The following RAG2 variants were observed in gnomAD, a reference collection of about 807,000 sequenced individuals.
RAG2 encodes V(D)J recombination-activating protein 2.
A neutral mutation model predicts 31.8 loss-of-function variants in RAG2; 16 were observed. The ratio of observed to expected loss-of-function variants is 0.50; its 90% CI spans 0.34 to 0.76. RAG2 has a LOEUF of 0.76. RAG2 is among the 30% of genes least tolerant of loss of function. The pLI, the probability that RAG2 is intolerant of heterozygous loss-of-function variation, is 0.01. For missense variants in RAG2, 622 were observed against 628.5 expected, an observed-to-expected ratio of 0.99 and a Z score of 0.11; for synonymous variants, 199 against 215.9, an observed-to-expected ratio of 0.92 and a Z score of 0.68.
At chr11:36,596,576 T>C (rs1436600445) in intron 1 of RAG2, among the ~76,000 whole-genome samples, 1 of 152,210 alleles carries the variant, frequency 6.6e-6, no homozygotes, top group East Asian at 1.9e-4. Context: ...GGAGACATTA[T>C]TGACCCTCAC....
At chr11:36,596,917 T>TC (rs1403022155) in intron 1 of RAG2, among the ~76,000 whole-genome samples, 1 of 152,188 alleles carries the variant, frequency 6.6e-6, no homozygotes, top group East Asian at 1.9e-4. Flanking sequence ...AGGAGGATTG[T>TC]CCATTTTTGT....
intron 1 of RAG2, chr11:36,594,897 A>G (rs2133319993): frequency 6.6e-6 from 1 of 151,490 alleles, no homozygotes; most frequent in South Asian, 2.1e-4. Flanking sequence ...TCAAAACTAC[A>G]CCCCTGACGA....
chr11:36,592,679 A>G lies in RAG2; in HGVS notation c.1490T>C (p.Leu497Ser). The G allele has an allele frequency of 6.2e-7, 1 of 1,614,050 alleles. No individual in the cohort carries two copies. Among genetic ancestry groups the G allele is most frequent in the Non-Finnish European group, 8.5e-7 (1 of 1,179,982 alleles). The change falls in exon 2 of 2, where the codon TTA (leucine) becomes TCA (serine). Residue 497 changes from leucine (L) to serine (S), a missense_variant. By Grantham distance (145) the Leu-to-Ser change is moderately radical. Transcript: ENST00000311485. ...GAGGGATTTCATTGGAGGCTTTTTT[A>G]AGGGTAGGACTCTTTGGGGAGTGTG... is the stretch of plus-strand genomic sequence containing the variant. ...ALHTPQRVLP[L>S]KKPPMKSLRK...
rs758044229 is a variant in RAG2 at position 36,593,719 on chromosome 11, T to G, written c.450A>C (p.Lys150Asn). 4 of 1,614,046 alleles carry G rather than the reference T, an allele frequency of 2.5e-6. No homozygotes were observed. In the African/African-American group the frequency reaches 5.3e-5, roughly 22 times the overall value. Reference sequence around the variant, plus strand: ...GTCCTCCAAAGAGAACACCCATACTTTTCCCTCGGCTGTACACCACATTAA... The same window carrying G: ...GTCCTCCAAAGAGAACACCCATACTGTTCCCTCGGCTGTACACCACATTAA... Reference protein sequence around the residue: ...HSINVVYSRGKSMGVLFGGRS... With the variant: ...HSINVVYSRGNSMGVLFGGRS... Residue 150 changes from lysine (K) to asparagine (N), a missense_variant, in exon 2 of 2, where the codon AAA becomes AAC. Physicochemically the swap from Lys to Asn is moderately conservative, Grantham distance 94. Transcript: ENST00000311485.
At chr11:36,595,350 T>C (rs1465985127) in intron 1 of RAG2, 1 of 152,236 alleles carries the variant, frequency 6.6e-6, no homozygotes, top group Non-Finnish European at 1.5e-5. Flanking sequence ...AAAAGAATAT[T>C]TACTAGATGA....
rs1406681238 is a variant in RAG2, at chr11:36,592,498, C to CA, written c.*86dup. 1.3e-6 allele frequency: 2 copies of CA among 1,491,222 alleles called. No homozygotes were observed. The highest frequency in any genetic ancestry group is 1.8e-6 in the Non-Finnish European group (2 of 1,104,384). 92.4% of individuals were successfully genotyped at this position (1,491,222 alleles called of 1,614,324 possible). A position where few individuals can be genotyped will look rare whatever the true frequency, so the allele number is the denominator to read the frequency against. On this transcript the variant is annotated 3_prime_UTR_variant, in exon 2 of 2. Coordinates refer to ENST00000311485, the MANE Select transcript of RAG2 (RefSeq NM_000536.4). ...AGAAAACATAGGCATTTTAAATAAA[C>CA]AAAAATGTATTTTTAAAATCAATGT...
At position 36,592,728 on chromosome 11, in the gene RAG2, G is replaced by C. The variant is rs762054841; in HGVS notation, c.1441C>G (p.His481Asp). 1.2e-6 allele frequency: 2 copies of C among 1,605,828 alleles called. No homozygotes were observed. The highest frequency in any genetic ancestry group is 3.4e-5 in the Admixed American group (2 of 59,046). Reference protein sequence around the residue: ...AGSNKYYCNEHVEIARALHTP... With the variant: ...AGSNKYYCNEDVEIARALHTP... ...TGTAGAGCTCTTGCTATCTCCACAT[G>C]CTCATTGCAGTAATACTTGTTGCTT... Residue 481 changes from histidine to aspartate, a missense_variant, in exon 2 of 2, where the codon CAT becomes GAT. Transcript: ENST00000311485.
Position 36,593,174 on chromosome 11 carries a change from G to C in RAG2, c.995C>G (p.Pro332Arg), listed in dbSNP as rs746221994. 16 of 1,613,904 alleles carry C rather than the reference G, an allele frequency of 9.9e-6. No individual in the cohort carries two copies. The South Asian group carries it at 1.4e-4, about 14-fold the overall frequency. ...MGNGTVFLGI[P>R]GDNKQVVSEG... ...TGAAACAACTTGTTTATTGTCTCCT[G>C]GTATGCCAAGAAAAACAGTTCCATT... The change falls in exon 2 of 2, where the codon CCA becomes CGA. Residue 332 changes from proline (P) to arginine (R), a missense_variant. Transcript: ENST00000311485.
At position 36,594,106 on chromosome 11, in the gene RAG2, C is replaced by G; in HGVS notation, c.63G>C (p.Leu21=). Residue 21 remains leucine, a synonymous_variant, in exon 2 of 2, where the codon CTG becomes CTC. Transcript: ENST00000311485. ...NIALIQPGFS[L]MNFDGQVFFF... Reference sequence around the variant, plus strand: ...AGAAAACTTGTCCATCAAAATTCATCAGTGAGAAGCCTGGCTGAATTAAGG... The same window carrying G: ...AGAAAACTTGTCCATCAAAATTCATGAGTGAGAAGCCTGGCTGAATTAAGG... 6.2e-7 allele frequency: 1 copy of G among 1,614,068 alleles called. No homozygotes were observed. The highest frequency in any genetic ancestry group is 1.6e-4 in the Middle Eastern group (1 of 6,062).
rs781104028 is a variant in RAG2 at position 36,592,668 on chromosome 11, G to T, written c.1501C>A (p.Pro501Thr). The change falls in exon 2 of 2, where the codon CCA (proline) becomes ACA (threonine). Residue 501 changes from proline (P) to threonine (T), a missense_variant. Pro to Thr is a conservative substitution (Grantham distance 38, BLOSUM62 -1). Coordinates refer to ENST00000311485, the MANE Select transcript of RAG2 (RefSeq NM_000536.4). ...PQRVLPLKKPPMKSLRKKGSG... is the reference protein window; with the variant it reads ...PQRVLPLKKPTMKSLRKKGSG... The stretch of plus-strand genomic sequence containing the variant: ...CCTTTTTTACGGAGGGATTTCATTG[G>T]AGGCTTTTTTAAGGGTAGGACTCTT... The T allele has an allele frequency of 3.7e-6, 6 of 1,614,024 alleles. No individual in the cohort carries two copies. In the African/African-American group the frequency reaches 6.7e-5, roughly 18 times the overall value.
rs147319483 is a variant in RAG2 at position 36,593,802 on chromosome 11, G to A, written c.367C>T (p.Arg123Cys). The change falls in exon 2 of 2, where the codon CGC (arginine) becomes TGC (cysteine). Residue 123 changes from arginine (R) to cysteine (C), a missense_variant. Transcript: ENST00000311485. Reference sequence around the variant, plus strand: ...CCTACCAAGTCTTTCTCTGTGCAGCGAAAAGTAACCTTTTTGTTGTTCTTG... The same window carrying A: ...CCTACCAAGTCTTTCTCTGTGCAGCAAAAAGTAACCTTTTTGTTGTTCTTG... ...VCKNNKKVTF[R>C]CTEKDLVGDV... 339 of 1,614,138 alleles carry A rather than the reference G, an allele frequency of 2.1e-4. 1 individual carries two copies. The highest frequency in any genetic ancestry group is 4.6e-4 in the South Asian group (42 of 91,076).
In RAG2 at chr11:36,592,918, A is replaced by G. The variant is rs748248673; in HGVS notation, c.1251T>C (p.Ile417=). Residue 417 remains isoleucine (I), a synonymous_variant, in exon 2 of 2, where the codon ATT becomes ATC. Transcript: ENST00000311485. ...EEDESETGYW[I]TCCPTCDVDI... ...CCACATCACAAGTAGGGCAGCATGT[A>G]ATCCAGTAGCCTGTCTCAGACTCAT... The G allele has an allele frequency of 2.5e-5, 41 of 1,614,176 alleles. No individual in the cohort carries two copies. In the South Asian group the frequency reaches 4.3e-4, roughly 17 times the overall value.
rs770231022 is a variant in RAG2 at position 36,593,285 on chromosome 11, T to C, written c.884A>G (p.Asn295Ser). 21 of 1,614,186 alleles carry C rather than the reference T, an allele frequency of 1.3e-5. No individual in the cohort carries two copies. Among genetic ancestry groups the C allele is most frequent in the Non-Finnish European group, 1.7e-5 (20 of 1,180,018 alleles). Residue 295 changes from asparagine (N) to serine (S), a missense_variant, in exon 2 of 2, where the codon AAC becomes AGC. Asn to Ser is a conservative substitution (Grantham distance 46, BLOSUM62 1). Coordinates refer to ENST00000311485, the MANE Select transcript of RAG2 (RefSeq NM_000536.4). ...CTCCATCTCACGAATTTCTATCTTG[T>C]TGTCCTCTAAAGAGATGATGTTGCA... Reference protein sequence around the residue: ...MICNIISLEDNKIEIREMETP... With the variant: ...MICNIISLEDSKIEIREMETP...
In RAG2 at chr11:36,593,546, A is replaced by G; in HGVS notation, c.623T>C (p.Val208Ala). Residue 208 changes from valine (V) to alanine (A), a missense_variant, in exon 2 of 2, where the codon GTC becomes GCC. Val to Ala is a moderately conservative substitution (Grantham distance 64). Coordinates refer to ENST00000311485, the MANE Select transcript of RAG2 (RefSeq NM_000536.4). ...GATGGTGTCATTTTTGGCAATAGAG[A>G]CATGAAAAGATAGCCCATCCTGAAG... is the stretch of plus-strand genomic sequence containing the variant. Reference protein sequence around the residue: ...PELQDGLSFHVSIAKNDTIYI... With the variant: ...PELQDGLSFHASIAKNDTIYI... The G allele has an allele frequency of 6.2e-7, 1 of 1,614,156 alleles. No individual in the cohort carries two copies. The highest frequency in any genetic ancestry group is 8.5e-7 in the Non-Finnish European group (1 of 1,180,014).
intron 1 of RAG2, 174 bp from the exon 2 acceptor site, chr11:36,594,369 A>C (rs1253833128): frequency 1.6e-6 from 1 of 609,222 alleles, no homozygotes; most frequent in Non-Finnish European, 2.9e-6. Flanking sequence ...CTTTACTGCC[A>C]TTCCATCCAA....
At chr11:36,594,485 T>C in intron 1 of RAG2, 2 of 384,014 alleles carry the variant, frequency 5.2e-6, no homozygotes, top group Non-Finnish European at 9.5e-6. Flanking sequence ...AAGAACCACA[T>C]TTCCCAAGAA....
intron 1 of RAG2, chr11:36,597,600 G>T (rs555969753): frequency 6.6e-6 from 1 of 152,274 alleles, no homozygotes; most frequent in Non-Finnish European, 1.5e-5. Context: ...TGAGGTCTGG[G>T]TTTATAGTTC....
intron 1 of RAG2, among the ~76,000 whole-genome samples, chr11:36,595,968 A>G (rs139412015): frequency 1.5e-4 from 23 of 152,312 alleles, no homozygotes; most frequent in African/African-American, 4.6e-4. Flanking sequence ...TTAACAGAAG[A>G]TAGTTAATAT....
intron 1 of RAG2, among the ~76,000 whole-genome samples, 185 bp downstream of exon 1, chr11:36,597,917 C>G (rs75533805): frequency 6.6e-6 from 1 of 152,020 alleles, no homozygotes; most frequent in African/African-American, 2.4e-5. Context: ...ATAATTAAAT[C>G]CCTGAAGCAG....
Sources: gnomAD v4.1 joint callset for allele counts (sites outside exome capture counted in the v4.1 genomes callset) on GRCh38, gnomAD v4.1.1 for gene constraint, MANE v1.5 for transcripts, NCBI Gene and HGNC (gene_info 2026-07-23, HGNC 2026-07-21) for gene names.